TENM2: variants seen among roughly 807,000 people sequenced by gnomAD.
The protein encoded by TENM2 is teneurin-2.
TENM2 carries 52 observed loss-of-function variants against 245.2 expected under a neutral mutation model. The ratio of observed to expected loss-of-function variants is 0.21; its 90% confidence interval spans 0.17 to 0.27. TENM2 has a LOEUF of 0.27. Ranked by LOEUF, TENM2 falls within the 10% of genes least tolerant of loss-of-function variation. The pLI is 1.00. For missense variants in TENM2, 3,046 were observed against 3,666.8 expected (o/e 0.83, Z 4.37); for synonymous variants, 1,363 against 1,438.9 (o/e 0.95, Z 1.19).
At chr5:167,698,692 T>G (rs201895711) in intron 2 of TENM2, among the ~76,000 whole-genome samples, 1,930 of 135,238 alleles carry the variant, frequency 0.014, 139 homozygotes, top group East Asian at 0.099. Flanking sequence ...TTTTTTTTTT[T>G]TTTTTTTTTG....
the TENM2 span, among the ~76,000 whole-genome samples, chr5:167,161,645 G>A: frequency 1.3e-5 from 2 of 152,260 alleles, no homozygotes; most frequent in Admixed American, 6.5e-5. Context: ...AAAAATGACT[G>A]AGAATGGTCT....
At chr5:167,858,949 G>C (rs1282421065) in intron 2 of TENM2, among the ~76,000 whole-genome samples, 1 of 140,760 alleles carries the variant, frequency 7.1e-6, no homozygotes, top group South Asian at 2.3e-4. Flanking sequence ...GGGAAGTGAG[G>C]AGTGTCTCTG....
chr5:168,165,125 C>G (rs1388161171), intron 13 of TENM2: 2 of 152,196 alleles, frequency 1.3e-5, no homozygotes, highest in African/African-American at 4.8e-5. Flanking sequence ...ACAATCAAAA[C>G]AGTTTACAGA....
the TENM2 span, among the ~76,000 whole-genome samples, chr5:167,252,099 T>C: frequency 1.0e-3 from 159 of 152,202 alleles, no homozygotes; most frequent in Non-Finnish European, 2.0e-3. Flanking sequence ...TGGCATTGGC[T>C]CAAGTAAGAG....
chr5:167,968,452 T>C (rs1418159141), intron 4 of TENM2, among the ~76,000 whole-genome samples: 1 of 152,246 alleles, frequency 6.6e-6, no homozygotes, highest in African/African-American at 2.4e-5. Flanking sequence ...CTTTTCTATG[T>C]GTTAAATGGT....
chr5:167,918,750 C>T (rs1202447368), intron 3 of TENM2, among the ~76,000 whole-genome samples: 6 of 148,814 alleles, frequency 4.0e-5, no homozygotes, highest in Admixed American at 6.7e-5. Flanking sequence ...CAGAGCAGTT[C>T]GTTTGGGATT....
At chr5:167,419,366 G>C (rs764751524) in intron 2 of TENM2, among the ~76,000 whole-genome samples, 1 of 152,170 alleles carries the variant, frequency 6.6e-6, no homozygotes, top group Non-Finnish European at 1.5e-5. Flanking sequence ...GGAGGCTGAG[G>C]CAGGAGAATG....
At chr5:167,966,798 C>T (rs576467204) in intron 4 of TENM2, among the ~76,000 whole-genome samples, 60 of 152,216 alleles carry the variant, frequency 3.9e-4, no homozygotes, top group Middle Eastern at 3.4e-3. Flanking sequence ...TTAATGTTTT[C>T]AAGTGAGGTT....
the TENM2 span, among the ~76,000 whole-genome samples, chr5:167,087,153 C>T: frequency 1.3e-5 from 2 of 152,160 alleles, no homozygotes; most frequent in African/African-American, 4.8e-5. Context: ...GCCCCCATGC[C>T]CAGATGCTGT....
intron 2 of TENM2, among the ~76,000 whole-genome samples, chr5:167,575,382 A>G (rs1774576994): frequency 6.6e-6 from 1 of 152,158 alleles, no homozygotes; most frequent in African/African-American, 2.4e-5. Context: ...CTACTATGGC[A>G]TTGTTGATTT....
intron 1 of TENM2, among the ~76,000 whole-genome samples, chr5:167,347,298 A>G (rs1320814701): frequency 6.6e-6 from 1 of 152,160 alleles, no homozygotes; most frequent in African/African-American, 2.4e-5. Flanking sequence ...TTTGTCTTCT[A>G]TGGCTGTTTG....
chr5:167,226,188 T>A, the TENM2 span, among the ~76,000 whole-genome samples: 2 of 151,970 alleles, frequency 1.3e-5, no homozygotes, highest in African/African-American at 4.8e-5. Flanking sequence ...AAATTTCTTC[T>A]TCTAATTTTG....
intron 2 of TENM2, among the ~76,000 whole-genome samples, chr5:167,638,087 G>A (rs936757365): frequency 7.4e-6 from 1 of 135,382 alleles, no homozygotes; most frequent in African/African-American, 2.9e-5. Context: ...ACAGAACAGG[G>A]CAGGTGTGTG....
At chr5:167,003,291 C>A in the TENM2 span, among the ~76,000 whole-genome samples, 1 of 152,130 alleles carries the variant, frequency 6.6e-6, no homozygotes, top group Non-Finnish European at 1.5e-5. Context: ...CCCAAGAACA[C>A]TTATTAAGAT....
At chr5:167,837,749 G>A (rs148503494) in intron 2 of TENM2, among the ~76,000 whole-genome samples, 2 of 151,476 alleles carry the variant, frequency 1.3e-5, no homozygotes, top group South Asian at 2.1e-4. Flanking sequence ...CAGTGCCAAA[G>A]AACAATAGAC....
At chr5:167,911,550 AAAAC>A (rs1273561815) in intron 3 of TENM2, among the ~76,000 whole-genome samples, 1 of 152,176 alleles carries the variant, frequency 6.6e-6, no homozygotes, top group Non-Finnish European at 1.5e-5. Flanking sequence ...AAACAAAACA[AAAAC>A]AAAAGAAACT....
chr5:167,795,365 T>A (rs1267125984), intron 2 of TENM2, among the ~76,000 whole-genome samples: 2 of 152,188 alleles, frequency 1.3e-5, no homozygotes, highest in Non-Finnish European at 2.9e-5. Context: ...ATATTTATGC[T>A]TGCTTTTCCC....
At chr5:167,353,722 T>A (rs1413031193) in intron 1 of TENM2, among the ~76,000 whole-genome samples, 1 of 151,846 alleles carries the variant, frequency 6.6e-6, no homozygotes, top group Non-Finnish European at 1.5e-5. Flanking sequence ...TTAGCCGGGA[T>A]GGTCTCGATC....
At chr5:167,289,789 AT>A (rs1398162123) in intron 1 of TENM2, among the ~76,000 whole-genome samples, 26 of 152,218 alleles carry the variant, frequency 1.7e-4, no homozygotes, top group Non-Finnish European at 3.1e-4. Context: ...AACTTATATA[AT>A]AATTGTGGGA....
Sources: allele counts gnomAD v4.1 joint callset (sites outside exome capture counted in the v4.1 genomes callset), GRCh38; gene constraint gnomAD v4.1.1; transcripts MANE v1.5; gene names NCBI Gene and HGNC (gene_info 2026-07-23, HGNC 2026-07-21).